Variants in CD52 observed in about 807,000 individuals in gnomAD.
CD52 encodes the protein CAMPATH-1 antigen.
Under a neutral mutation model 2.5 loss-of-function variants are expected in CD52, and 2 were observed. The ratio of observed to expected loss-of-function variants is 0.79; its 90% CI spans 0.32 to 2.48. CD52 has a LOEUF of 2.48. Ranked by LOEUF, CD52 falls within the 30% of genes most tolerant of loss-of-function variation. CD52 has a pLI of 0.11. For synonymous variants in CD52, 24 were observed against 27.7 expected, an observed-to-expected ratio of 0.87 and a Z score of 0.42; for missense variants, 62 against 75.8, an observed-to-expected ratio of 0.82 and a Z score of 0.68.
intron 1 of CD52, 138 bp downstream of exon 1, chr1:26,318,209 G>A (rs1034461062): frequency 1.3e-6 from 1 of 743,542 alleles, no homozygotes; most frequent in African/African-American, 1.8e-5. Flanking sequence ...CAGGAAAACT[G>A]GGGACACAGC....
chr1:26,320,335 CT>C lies in CD52; in HGVS notation c.*34del, dbSNP rs2073841650. On this transcript the variant is annotated 3_prime_UTR_variant, in exon 2 of 2. Coordinates refer to ENST00000374213, the MANE Select transcript of CD52 (RefSeq NM_001803.3). Reference sequence around the variant, plus strand: ...CGTCTCAGCCTTAGCCCTGTGCCCCCTGAAACAGCTGCCACCATCACTCGCA... The same window carrying C: ...CGTCTCAGCCTTAGCCCTGTGCCCCCGAAACAGCTGCCACCATCACTCGCA... 1 of 1,577,742 alleles carries C rather than the reference CT, an allele frequency of 6.3e-7. No homozygotes were observed. The highest frequency in any genetic ancestry group is 2.3e-5 in the East Asian group (1 of 44,206).
intron 1 of CD52, 83 bp downstream of exon 1, chr1:26,318,154 A>G: frequency 8.6e-7 from 1 of 1,169,442 alleles, no homozygotes; most frequent in Admixed American, 1.8e-5. Context: ...GTGAGCTCCC[A>G]GAGACCCAGC....
chr1:26,318,123 T>C lies in CD52; in HGVS notation c.54+52T>C, dbSNP rs753537939. The C allele has an allele frequency of 1.5e-5, 22 of 1,496,098 alleles. No individual in the cohort carries two copies. In the East Asian group the frequency reaches 3.6e-4, roughly 25 times the overall value. 92.7% of individuals were successfully genotyped at this position (1,496,098 alleles called of 1,614,324 possible). A position where few individuals can be genotyped will look rare whatever the true frequency, so the allele number is the denominator to read the frequency against. ...CAGGACTCCCCAAAGTTGCTTGGCA[T>C]GGAGGGAGGGCATACAGGATGTGAG... On this transcript the variant is annotated intron_variant, in intron 1 of 1. Coordinates refer to ENST00000374213, the MANE Select transcript of CD52 (RefSeq NM_001803.3).
intron 1 of CD52, 78 bp from the exon 2 acceptor site, chr1:26,320,093 C>A: frequency 6.6e-7 from 1 of 1,525,612 alleles, no homozygotes. Flanking sequence ...GCAGTCCAGC[C>A]TGGGTGACAG....
Position 26,320,253 on chromosome 1 carries a change from T to C in CD52, c.137T>C (p.Phe46Ser), listed in dbSNP as rs1250250537. 2 of 1,613,852 alleles carry C rather than the reference T, an allele frequency of 1.2e-6. No homozygotes were observed. The highest frequency in any genetic ancestry group is 4.5e-5 in the East Asian group (2 of 44,880). The change falls in exon 2 of 2, where the codon TTC (phenylalanine) becomes TCC (serine). Residue 46 changes from phenylalanine (F) to serine (S), a missense_variant. Physicochemically the swap from Phe to Ser is radical, Grantham distance 155. Coordinates refer to ENST00000374213, the MANE Select transcript of CD52 (RefSeq NM_001803.3). The stretch of plus-strand genomic sequence containing the variant: ...TCCAGCAACATAAGCGGAGGCATTT[T>C]CCTTTTCTTCGTGGCCAATGCCATA... ...SASSNISGGI[F>S]LFFVANAIIH...
rs1308985261 is a variant in CD52 at position 26,318,052 on chromosome 1, G to A, written c.35G>A (p.Ser12Asn). 7 of 1,614,126 alleles carry A rather than the reference G, an allele frequency of 4.3e-6. No homozygotes were observed. Among genetic ancestry groups the A allele is most frequent in the Non-Finnish European group, 5.1e-6 (6 of 1,179,974 alleles). Residue 12 changes from serine (S) to asparagine (N), a missense_variant, in exon 1 of 2, where the codon AGC becomes AAC. Transcript: ENST00000374213. ...KRFLFLLLTI[S>N]LLVMVQIQTG... is the part of the protein sequence containing the mutation. ...TTCCTCTTCCTCCTACTCACCATCA[G>A]CCTCCTGGTTATGGTACAGGTAAGA... is the stretch of plus-strand genomic sequence containing the variant.
In CD52 at chr1:26,320,200, C is replaced by A; in HGVS notation, c.84C>A (p.Asp28Glu). 1.9e-6 allele frequency: 3 copies of A among 1,613,864 alleles called. No individual in the cohort carries two copies. The highest frequency in any genetic ancestry group is 1.7e-6 in the Non-Finnish European group (2 of 1,179,938). The change falls in exon 2 of 2, where the codon GAC becomes GAA. Residue 28 changes from aspartate (D) to glutamate (E), a missense_variant. Transcript: ENST00000374213. ...AAACTGGACTCTCAGGACAAAACGA[C>A]ACCAGCCAAACCAGCAGCCCCTCAG... is the stretch of plus-strand genomic sequence containing the variant. ...QIQTGLSGQN[D>E]TSQTSSPSAS...
At chr1:26,318,334 TGGGGCACCCAAGG>T in intron 1 of CD52, 1 of 452,034 alleles carries the variant, frequency 2.2e-6, no homozygotes, top group Non-Finnish European at 4.0e-6. Context: ...CTAGGCGCGT[TGGGGCACCCAAGG>T]GGTGTTGTGG....
intron 1 of CD52, 148 bp downstream of exon 1, chr1:26,318,219 C>A: frequency 3.0e-6 from 2 of 673,192 alleles, no homozygotes; most frequent in Non-Finnish European, 2.6e-6. Flanking sequence ...GGGGACACAG[C>A]GGGCCTGGCC....
At chr1:26,318,122 A>T in intron 1 of CD52, 51 bp downstream of exon 1, 3 of 1,514,906 alleles carry the variant, frequency 2.0e-6, no homozygotes, top group Non-Finnish European at 2.8e-6. Context: ...GTTGCTTGGC[A>T]TGGAGGGAGG....
intron 1 of CD52, 145 bp downstream of exon 1, chr1:26,318,216 C>T (rs969103391): frequency 1.4e-6 from 1 of 708,938 alleles, no homozygotes; most frequent in African/African-American, 1.8e-5. Flanking sequence ...ACTGGGGACA[C>T]AGCGGGCCTG....
At chr1:26,319,464 G>A (rs1456741066) in intron 1 of CD52, among the ~76,000 whole-genome samples, 2 of 134,198 alleles carry the variant, frequency 1.5e-5, no homozygotes, top group Non-Finnish European at 1.6e-5. Context: ...CTCTGTCTCG[G>A]AAAAAAAAAA....
intron 1 of CD52, among the ~76,000 whole-genome samples, chr1:26,319,248 C>T (rs572320833): frequency 6.6e-6 from 1 of 151,878 alleles, no homozygotes; most frequent in African/African-American, 2.4e-5. Flanking sequence ...GTCAGGAGAT[C>T]GAGACCATCC....
rs1210745413 is a variant in CD52 at position 26,317,961 on chromosome 1, C to T, written c.-57C>T. 1 of 1,508,338 alleles carries T rather than the reference C, an allele frequency of 6.6e-7. No homozygotes were observed. The allele number at this position is 1,508,338 out of a possible 1,614,324, so 93.4% of individuals were successfully genotyped here. A position where few individuals can be genotyped will look rare whatever the true frequency, so the allele number is the denominator to read the frequency against. On this transcript the variant is annotated 5_prime_UTR_variant, in exon 1 of 2. Transcript: ENST00000374213. ...AGCTAAACCAAAAGAAGCCTCCAGA[C>T]AGCCCTGAGATCACCTAAAAAGCTG...
chr1:26,319,367 G>A (rs1377744627), intron 1 of CD52, among the ~76,000 whole-genome samples: 2 of 151,764 alleles, frequency 1.3e-5, no homozygotes, highest in African/African-American at 4.8e-5. Context: ...GGCTGAGGCA[G>A]GAGAATGGCG....
At chr1:26,319,944 A>AC (rs2073836185) in intron 1 of CD52, among the ~76,000 whole-genome samples, 1 of 151,748 alleles carries the variant, frequency 6.6e-6, no homozygotes, top group Non-Finnish European at 1.5e-5. Flanking sequence ...ACATGGTGAA[A>AC]CCCCGTCTCT....
At position 26,317,978 on chromosome 1, in the gene CD52, A is replaced by G. The variant is rs1371464841; in HGVS notation, c.-40A>G. On this transcript the variant is annotated 5_prime_UTR_variant, in exon 1 of 2. Transcript: ENST00000374213. ...CCTCCAGACAGCCCTGAGATCACCT[A>G]AAAAGCTGCTACCAAGACAGCCACG... The G allele has an allele frequency of 1.2e-6, 2 of 1,600,262 alleles. No homozygotes were observed. The highest frequency in any genetic ancestry group is 1.7e-6 in the Non-Finnish European group (2 of 1,167,490).
At position 26,320,245 on chromosome 1, in the gene CD52, A is replaced by G. The variant is rs754672292; in HGVS notation, c.129A>G (p.Gly43=). The G allele has an allele frequency of 3.5e-5, 56 of 1,613,654 alleles. No homozygotes were observed. The highest frequency in any genetic ancestry group is 1.0e-4 in the Admixed American group (6 of 59,894). Residue 43 remains glycine, a synonymous_variant, in exon 2 of 2, where the codon GGA becomes GGG. Coordinates refer to ENST00000374213, the MANE Select transcript of CD52 (RefSeq NM_001803.3). The part of the protein sequence containing the change: ...SSPSASSNIS[G]GIFLFFVANA... ...CCTCAGCATCCAGCAACATAAGCGG[A>G]GGCATTTTCCTTTTCTTCGTGGCCA...
rs766360443 is a variant in CD52, at chr1:26,320,311, G to A, written c.*9G>A. On this transcript the variant is annotated 3_prime_UTR_variant, in exon 2 of 2. Coordinates refer to ENST00000374213, the MANE Select transcript of CD52 (RefSeq NM_001803.3). ...TCTTCTGCTTCAGTTGAGGTGACAC[G>A]TCTCAGCCTTAGCCCTGTGCCCCCT... 46 of 1,609,220 alleles carry A rather than the reference G, an allele frequency of 2.9e-5. No individual in the cohort carries two copies. The Admixed American group carries it at 3.4e-4, about 12-fold the overall frequency.
Sources: allele counts gnomAD v4.1 joint callset (sites outside exome capture counted in the v4.1 genomes callset), GRCh38; gene constraint gnomAD v4.1.1; transcripts MANE v1.5; gene names NCBI Gene and HGNC (gene_info 2026-07-23, HGNC 2026-07-21).